Variants in OR2T10 observed in about 807,000 individuals in gnomAD.
OR2T10 encodes the protein olfactory receptor family 2 subfamily T member 10.
For missense variants in OR2T10, 335 were observed against 382.5 expected (o/e 0.88, Z 1.04); for synonymous variants, 125 against 141.8 (o/e 0.88, Z 0.84).
rs1317611401 is a variant in OR2T10, at chr1:248,593,561, C to G, written c.208G>C (p.Asp70His). 1.3e-6 allele frequency: 2 copies of G among 1,567,498 alleles called. No individual in the cohort carries two copies. Among genetic ancestry groups the G allele is most frequent in the Admixed American group, 1.7e-5 (1 of 58,262 alleles). ...ACAGTGACAGAAATATATGTCAAGTCTATGAGTGAGAGCTGGTTTATAAAG... is the reference window on the plus strand; with the variant it reads ...ACAGTGACAGAAATATATGTCAAGTGTATGAGTGAGAGCTGGTTTATAAAG... ...YFFINQLSLI[D>H]LTYISVTVPK... The change falls in exon 2 of 2, where the codon GAC becomes CAC. Residue 70 changes from aspartate (D) to histidine (H), a missense_variant. Coordinates refer to ENST00000642090, the MANE Select transcript of OR2T10 (RefSeq NM_001004693.2).
rs551153827 is a variant in OR2T10 at position 248,591,262 on chromosome 1, C to T, written c.*1568G>A. On this transcript the variant is annotated 3_prime_UTR_variant, in exon 2 of 2. Transcript: ENST00000642090. ...GATTAGCCTAAATCCCTACATAAAA[C>T]GTGACCCCTACACACTCCAAGACCC... 16 of 143,272 alleles carry T rather than the reference C, an allele frequency of 1.1e-4. 1 individual carries two copies. Among genetic ancestry groups the T allele is most frequent in the Non-Finnish European group, 2.1e-4 (14 of 66,206 alleles). The allele number at this position is 143,272 out of a possible 1,614,324, so 8.9% of individuals were successfully genotyped here. A position where few individuals can be genotyped will look rare whatever the true frequency, so the allele number is the denominator to read the frequency against.
chr1:248,592,573 A>G lies in OR2T10; in HGVS notation c.*257T>C. 1 of 325,018 alleles carries G rather than the reference A, an allele frequency of 3.1e-6. No homozygotes were observed. Among genetic ancestry groups the G allele is most frequent in the South Asian group, 5.2e-5 (1 of 19,134 alleles). The allele number at this position is 325,018 out of a possible 1,614,324, so 20.1% of individuals were successfully genotyped here. A position where few individuals can be genotyped will look rare whatever the true frequency, so the allele number is the denominator to read the frequency against. On this transcript the variant is annotated 3_prime_UTR_variant, in exon 2 of 2. Coordinates refer to ENST00000642090, the MANE Select transcript of OR2T10 (RefSeq NM_001004693.2). Reference sequence around the variant, plus strand: ...GGGTCATAAACACATTTATTTTCATATTTCTCCACTGTAATCTAAAAAAAG... The same window carrying G: ...GGGTCATAAACACATTTATTTTCATGTTTCTCCACTGTAATCTAAAAAAAG...
chr1:248,592,752 G>A lies in OR2T10; in HGVS notation c.*78C>T. The A allele has an allele frequency of 1.1e-6, 1 of 870,738 alleles. No homozygotes were observed. Among genetic ancestry groups the A allele is most frequent in the Non-Finnish European group, 1.8e-6 (1 of 567,390 alleles). 53.9% of individuals were successfully genotyped at this position (870,738 alleles called of 1,614,324 possible). Reference sequence around the variant, plus strand: ...AGGGAGTCAGACACTACCACAATATGCTGATTGTTTGGTGGAAGGACACCT... The same window carrying A: ...AGGGAGTCAGACACTACCACAATATACTGATTGTTTGGTGGAAGGACACCT... On this transcript the variant is annotated 3_prime_UTR_variant, in exon 2 of 2. Coordinates refer to ENST00000642090, the MANE Select transcript of OR2T10 (RefSeq NM_001004693.2).
At chr1:248,595,691 A>G (rs1027884255) in intron 1 of OR2T10, among the ~76,000 whole-genome samples, 6 of 143,498 alleles carry the variant, frequency 4.2e-5, no homozygotes, top group Non-Finnish European at 7.5e-5. Context: ...CTAGACTAAT[A>G]AACTATATTT....
rs61732484 is a variant in OR2T10 at position 248,592,866 on chromosome 1, C to G, written c.903G>C (p.Leu301Phe). ...SFRNKDVTRA[L>F]KKMLSVQKPP... ...GTTTCTGCACGCTCAGCATTTTTTT[C>G]AAAGCCCTTGTGACATCCTTATTCC... The change falls in exon 2 of 2, where the codon TTG (leucine) becomes TTC (phenylalanine). Residue 301 changes from leucine (L) to phenylalanine (F), a missense_variant. Leu to Phe is a conservative substitution (Grantham distance 22). Transcript: ENST00000642090. The G allele has an allele frequency of 0.017, 25,881 of 1,556,702 alleles. 5,390 individuals are homozygous for G. In the African/African-American group the frequency reaches 0.23, roughly 14 times the overall value.
Position 248,595,347 on chromosome 1 carries a change from T to C in OR2T10, c.-28-1551A>G, listed in dbSNP as rs749830241. ...TATTCATCCTTTTTATATTGCAGCT[T>C]TTCTTATGTAACCTTTTACATTGTA... On this transcript the variant is annotated intron_variant, in intron 1 of 1. Coordinates refer to ENST00000642090, the MANE Select transcript of OR2T10 (RefSeq NM_001004693.2). Among the ~76,000 whole-genome samples, 13 of 144,018 alleles carry C rather than the reference T, an allele frequency of 9.0e-5. 1 individual carries two copies. Among genetic ancestry groups the C allele is most frequent in the Non-Finnish European group, 2.0e-4 (13 of 66,458 alleles). 94.5% of individuals were successfully genotyped at this position (144,018 alleles called of 152,430 possible). A position where few individuals can be genotyped will look rare whatever the true frequency, so the allele number is the denominator to read the frequency against.
intron 1 of OR2T10, 66 bp from the exon 2 acceptor site, chr1:248,593,862 C>T (rs1213520467): frequency 4.6e-6 from 3 of 650,730 alleles, no homozygotes; most frequent in Non-Finnish European, 7.7e-6. Flanking sequence ...GTTTGCTTCA[C>T]TTTACCTTTT....
rs1302838141 is a variant in OR2T10 at position 248,590,674 on chromosome 1, T to C, written c.*2156A>G. 2.8e-5 allele frequency: 4 copies of C among 143,242 alleles called. No homozygotes were observed. Among genetic ancestry groups the C allele is most frequent in the African/African-American group, 1.1e-4 (4 of 36,320 alleles). The allele number at this position is 143,242 out of a possible 1,614,324, so 8.9% of individuals were successfully genotyped here. ...TGTTTCACGTCTCTTTTTCATTCTT[T>C]CGTTGCTTCTTTTAGAAATATAAAA... is the stretch of plus-strand genomic sequence containing the variant. On this transcript the variant is annotated 3_prime_UTR_variant, in exon 2 of 2. Transcript: ENST00000642090.
chr1:248,593,818 T>A (rs1481737901), intron 1 of OR2T10, 22 bp from the exon 2 acceptor site: 1 of 988,766 alleles, frequency 1.0e-6, no homozygotes, highest in Non-Finnish European at 1.5e-6. Flanking sequence ...AAGTAAACTT[T>A]ATTTATAATC....
At position 248,597,341 on chromosome 1, in the gene OR2T10, A is replaced by AGT. The variant is rs1558164334; in HGVS notation, c.-29+150_-29+151insAC. Among the ~76,000 whole-genome samples, 6 of 1,274 alleles carry AGT rather than the reference A, an allele frequency of 4.7e-3. No individual in the cohort carries two copies. In the East Asian group the frequency reaches 0.12, roughly 25 times the overall value. The allele number at this position is 1,274 out of a possible 152,430, so 0.8% of individuals were successfully genotyped here. ...TTATGAGTTATTTTATGTGATCTAT[A>AGT]ATATAACAATGTTAGTATAATTTTA... On this transcript the variant is annotated intron_variant, in intron 1 of 1. Coordinates refer to ENST00000642090, the MANE Select transcript of OR2T10 (RefSeq NM_001004693.2).
rs2103087399 is a variant in OR2T10 at position 248,591,663 on chromosome 1, G to A, written c.*1167C>T. The A allele has an allele frequency of 6.9e-6, 1 of 144,244 alleles. No homozygotes were observed. Among genetic ancestry groups the A allele is most frequent in the East Asian group, 2.0e-4 (1 of 4,942 alleles). The allele number at this position is 144,244 out of a possible 1,614,324, so 8.9% of individuals were successfully genotyped here. ...GGAGTATGGCCCTCCCAGAGGGAGA[G>A]GCAATGCAGTGTGGAAAAGGCCACA... On this transcript the variant is annotated 3_prime_UTR_variant, in exon 2 of 2. Transcript: ENST00000642090.
chr1:248,594,075 A>AAC (rs1280700507), intron 1 of OR2T10, among the ~76,000 whole-genome samples: 2 of 140,524 alleles, frequency 1.4e-5, no homozygotes, highest in African/African-American at 5.9e-5. Flanking sequence ...TTTTACTTAT[A>AAC]TATGTTCACA....
At position 248,590,920 on chromosome 1, in the gene OR2T10, C is replaced by T. The variant is rs1180849063; in HGVS notation, c.*1910G>A. On this transcript the variant is annotated 3_prime_UTR_variant, in exon 2 of 2. Transcript: ENST00000642090. ...GTCAATATTGATTATGACTCATTTA[C>T]ATATTACTCTTTGGGGTTGATGTTT... The T allele has an allele frequency of 7.0e-6, 1 of 143,428 alleles. No homozygotes were observed. Among genetic ancestry groups the T allele is most frequent in the African/African-American group, 2.7e-5 (1 of 36,530 alleles). The allele number at this position is 143,428 out of a possible 1,614,324, so 8.9% of individuals were successfully genotyped here.
At chr1:248,596,721 G>A (rs1225506998) in intron 1 of OR2T10, among the ~76,000 whole-genome samples, 1 of 143,618 alleles carries the variant, frequency 7.0e-6, no homozygotes, top group African/African-American at 2.7e-5. Flanking sequence ...TTATGACAAA[G>A]CAAGCAAACC....
chr1:248,590,549 A>G lies in OR2T10; in HGVS notation c.*2281T>C, dbSNP rs1159057551. On this transcript the variant is annotated 3_prime_UTR_variant, in exon 2 of 2. Transcript: ENST00000642090. ...ATATTTCTACATACTTATGGGGCAC[A>G]TGTGATATTTTGATACATGCATGCA... 6.9e-6 allele frequency: 1 copy of G among 143,912 alleles called. No individual in the cohort carries two copies. Among genetic ancestry groups the G allele is most frequent in the East Asian group, 2.0e-4 (1 of 5,004 alleles). The allele number at this position is 143,912 out of a possible 1,614,324, so 8.9% of individuals were successfully genotyped here.
chr1:248,593,700 G>A lies in OR2T10; in HGVS notation c.69C>T (p.His23=), dbSNP rs1405975328. 6.4e-7 allele frequency: 1 copy of A among 1,564,574 alleles called. No individual in the cohort carries two copies. Among genetic ancestry groups the A allele is most frequent in the Non-Finnish European group, 8.7e-7 (1 of 1,151,780 alleles). Residue 23 remains histidine (H), a synonymous_variant, in exon 2 of 2, where the codon CAC becomes CAT. Coordinates refer to ENST00000642090, the MANE Select transcript of OR2T10 (RefSeq NM_001004693.2). ...FLLGIFSQIS[H]PGRLCLLIFS... ...AGATAAGCAAGCAGAGGCGGCCAGG[G>A]TGTGAGATCTGGCTGAAGATTCCCA...
In OR2T10 at chr1:248,590,832, AT is replaced by A. The variant is rs1659986138; in HGVS notation, c.*1997del. ...TCAATATTGATATATCTTCAACATGATTTTTCATACATTTAAGTTTTGCACA... is the reference window on the plus strand; with the variant it reads ...TCAATATTGATATATCTTCAACATGATTTTCATACATTTAAGTTTTGCACA... On this transcript the variant is annotated 3_prime_UTR_variant, in exon 2 of 2. Coordinates refer to ENST00000642090, the MANE Select transcript of OR2T10 (RefSeq NM_001004693.2). 1 of 142,352 alleles carries A rather than the reference AT, an allele frequency of 7.0e-6. No individual in the cohort carries two copies. Among genetic ancestry groups the A allele is most frequent in the Admixed American group, 6.8e-5 (1 of 14,614 alleles). 8.8% of individuals were successfully genotyped at this position (142,352 alleles called of 1,614,324 possible). A position where few individuals can be genotyped will look rare whatever the true frequency, so the allele number is the denominator to read the frequency against.
chr1:248,594,883 C>G (rs1660069402), intron 1 of OR2T10: 1 of 143,060 alleles, frequency 7.0e-6, no homozygotes, highest in African/African-American at 2.8e-5. Flanking sequence ...TTTCTTCTCC[C>G]AGTGGTTCAA....
Position 248,592,789 on chromosome 1 carries a change from A to G in OR2T10, c.*41T>C, listed in dbSNP as rs754681078. On this transcript the variant is annotated 3_prime_UTR_variant, in exon 2 of 2. Transcript: ENST00000642090. ...GTGGAAGGACACCTAAAGTGAAGAG[A>G]GACTCTAAGAAGAGAGGACCAACTT... is the stretch of plus-strand genomic sequence containing the variant. The G allele has an allele frequency of 3.4e-6, 4 of 1,168,028 alleles. No individual in the cohort carries two copies. The African/African-American group carries it at 7.1e-5, about 21-fold the overall frequency. The allele number at this position is 1,168,028 out of a possible 1,614,324, so 72.4% of individuals were successfully genotyped here.
Sources: gnomAD v4.1 joint callset for allele counts (sites outside exome capture counted in the v4.1 genomes callset) on GRCh38, gnomAD v4.1.1 for gene constraint, MANE v1.5 for transcripts, NCBI Gene and HGNC (gene_info 2026-07-23, HGNC 2026-07-21) for gene names.